The following PALM3 variants were observed in gnomAD, a reference collection of about 807,000 sequenced individuals.
PALM3 encodes the protein paralemmin 3, also known as paralemmin-3.
In PALM3, 20 loss-of-function variants were observed where a neutral mutation model predicts 27.9. The observed-to-expected ratio is 0.72, with a 90% CI of 0.50 to 1.04. PALM3 has a LOEUF of 1.04. Ranked by LOEUF, PALM3 falls within the 50% of genes least tolerant of loss-of-function variation. The pLI, the probability that PALM3 is intolerant of heterozygous loss-of-function variation, is 0.00. For missense variants in PALM3, 814 were observed against 869.4 expected (o/e 0.94, Z 0.80); for synonymous variants, 328 against 352.7 (o/e 0.93, Z 0.79).
At position 14,053,447 on chromosome 19, in the gene PALM3, G is replaced by A; in HGVS notation, c.*158C>T. The A allele has an allele frequency of 1.3e-6, 1 of 768,364 alleles. No homozygotes were observed. The highest frequency in any genetic ancestry group is 3.3e-5 in the South Asian group (1 of 30,326). 47.6% of individuals were successfully genotyped at this position (768,364 alleles called of 1,614,324 possible). ...CAGGGTTACAGGCAGTGGGCAAGGG[G>A]TCTGGAAGCCCAGGTTTAGGTGGAC... On this transcript the variant is annotated 3_prime_UTR_variant, in exon 7 of 7. Coordinates refer to ENST00000669674, the MANE Select transcript of PALM3 (RefSeq NM_001145028.2).
Position 14,054,459 on chromosome 19 carries a change from T to C in PALM3, c.1213A>G (p.Thr405Ala), listed in dbSNP as rs530253436. 13 of 1,551,602 alleles carry C rather than the reference T, an allele frequency of 8.4e-6. No individual in the cohort carries two copies. The South Asian group carries it at 1.4e-4, about 17-fold the overall frequency. Reference protein sequence around the residue: ...EGAKTGGGEETWEAEKRKAEE... With the variant: ...EGAKTGGGEEAWEAEKRKAEE... Reference sequence around the variant, plus strand: ...GCTTTTCTCTTCTCTGCCTCCCAGGTCTCCTCGCCTCCTCCCGTCTTGGCC... The same window carrying C: ...GCTTTTCTCTTCTCTGCCTCCCAGGCCTCCTCGCCTCCTCCCGTCTTGGCC... Residue 405 changes from threonine to alanine, a missense_variant, in exon 7 of 7, where the codon ACC becomes GCC. Transcript: ENST00000669674.
Position 14,054,611 on chromosome 19 carries a change from C to T in PALM3, c.1061G>A (p.Gly354Glu), listed in dbSNP as rs1387001566. 12 of 1,551,812 alleles carry T rather than the reference C, an allele frequency of 7.7e-6. No homozygotes were observed. The highest frequency in any genetic ancestry group is 2.0e-5 in the Admixed American group (1 of 50,982). The change falls in exon 7 of 7, where the codon GGA becomes GAA. Residue 354 changes from glycine (G) to glutamate (E), a missense_variant. Gly to Glu is a moderately conservative substitution (Grantham distance 98, BLOSUM62 -2). Coordinates refer to ENST00000669674, the MANE Select transcript of PALM3 (RefSeq NM_001145028.2). ...DGQGGSGGEE[G>E]SFIWVERVTL... ...CACTCTCTCCACCCAAATGAAGGAT[C>T]CCTCCTCTCCTCCAGAGCCTCCCTG...
intron 2 of PALM3, among the ~76,000 whole-genome samples, chr19:14,058,138 G>A (rs1288778893): frequency 6.6e-6 from 1 of 152,028 alleles, no homozygotes; most frequent in African/African-American, 2.4e-5. Context: ...GAGGGTGCTA[G>A]TGAGATGGGG....
intron 6 of PALM3, 35 bp from the exon 7 acceptor site, chr19:14,055,261 A>G: frequency 6.6e-7 from 1 of 1,519,270 alleles, no homozygotes; most frequent in Non-Finnish European, 8.9e-7. Flanking sequence ...AGAGGACAAA[A>G]GGGAAGACAG....
rs1022874307 is a variant in PALM3, at chr19:14,054,408, C to G, written c.1264G>C (p.Glu422Gln). The change falls in exon 7 of 7, where the codon GAG (glutamate) becomes CAG (glutamine). Residue 422 changes from glutamate (E) to glutamine (Q), a missense_variant. By Grantham distance (29) the Glu-to-Gln change is conservative. Coordinates refer to ENST00000669674, the MANE Select transcript of PALM3 (RefSeq NM_001145028.2). The stretch of plus-strand genomic sequence containing the variant: ...TCCCTCCCTGTCCCTGGCTTTTCCT[C>G]ACTTCCTATTCCCATGGATTCTTCC... ...KAEESMGIGSEEKPGTGRDEA... is the reference protein window; with the variant it reads ...KAEESMGIGSQEKPGTGRDEA... 6 of 1,551,992 alleles carry G rather than the reference C, an allele frequency of 3.9e-6. 1 individual carries two copies. The African/African-American group carries it at 8.2e-5, about 21-fold the overall frequency.
rs1490397974 is a variant in PALM3 at position 14,054,035 on chromosome 19, G to T, written c.1637C>A (p.Thr546Asn). The T allele has an allele frequency of 1.3e-6, 2 of 1,551,634 alleles. No individual in the cohort carries two copies. Among genetic ancestry groups the T allele is most frequent in the Non-Finnish European group, 8.7e-7 (1 of 1,146,956 alleles). ...ATTCAGATCTCCCTCCGTCCCTTGG[G>T]TCTTCTCTGTCTCCAATGATTCCTC... ...GGEESLETEK[T>N]QGTEGDLNLE... Residue 546 changes from threonine (T) to asparagine (N), a missense_variant, in exon 7 of 7, where the codon ACC (threonine) becomes AAC (asparagine). Thr to Asn is a moderately conservative substitution (Grantham distance 65). Transcript: ENST00000669674.
intron 2 of PALM3, among the ~76,000 whole-genome samples, chr19:14,057,974 A>G (rs4926178): frequency 0.16 from 24,446 of 151,984 alleles, 5,253 homozygotes; most frequent in African/African-American, 0.48. Context: ...TGGGCGTGGT[A>G]GCAGGCGCCT....
At position 14,061,007 on chromosome 19, in the gene PALM3, C is replaced by T. The variant is rs138539409; in HGVS notation, c.41+933G>A. On this transcript the variant is annotated intron_variant, in intron 1 of 6. Transcript: ENST00000669674. ...AACTCCTGACCTCAGGTGATCTGCC[C>T]GCCTCGGCCTCCCAAAGTGCTGGGA... is the stretch of plus-strand genomic sequence containing the variant. Among the ~76,000 whole-genome samples the T allele has an allele frequency of 8.9e-3, 1,360 of 152,274 alleles. 31 individuals are homozygous for T. The highest frequency in any genetic ancestry group is 0.031 in the African/African-American group (1,298 of 41,560).
At chr19:14,056,567 T>C in intron 4 of PALM3, 54 bp from the exon 5 acceptor site, 4 of 1,549,734 alleles carry the variant, frequency 2.6e-6, no homozygotes, top group Non-Finnish European at 2.6e-6. Context: ...CTTGGGCTCC[T>C]AGACTCAAGC....
rs1976258633 is a variant in PALM3, at chr19:14,054,496, C to T, written c.1176G>A (p.Leu392=). ...AGRERGDESP[L]GAEGAKTGGG... ...CTCCCGTCTTGGCCCCCTCGGCCCC[C>T]AGCGGGCTTTCATCTCCTCTCTCCC... is the stretch of plus-strand genomic sequence containing the variant. The change falls in exon 7 of 7, where the codon CTG becomes CTA. Residue 392 remains leucine, a synonymous_variant. Coordinates refer to ENST00000669674, the MANE Select transcript of PALM3 (RefSeq NM_001145028.2). 6.4e-7 allele frequency: 1 copy of T among 1,551,064 alleles called. No individual in the cohort carries two copies.
Position 14,053,543 on chromosome 19 carries a change from T to C in PALM3, c.*62A>G, listed in dbSNP as rs1599306118. The C allele has an allele frequency of 7.0e-7, 1 of 1,427,372 alleles. No individual in the cohort carries two copies. The highest frequency in any genetic ancestry group is 1.6e-5 in the South Asian group (1 of 62,354). 88.4% of individuals were successfully genotyped at this position (1,427,372 alleles called of 1,614,324 possible). On this transcript the variant is annotated 3_prime_UTR_variant, in exon 7 of 7. Coordinates refer to ENST00000669674, the MANE Select transcript of PALM3 (RefSeq NM_001145028.2). ...CCTGTCTGTGCCTGGGACCCTCTTC[T>C]GGGTGCCAAGAGGCCGAGGTAGCTG...
At chr19:14,055,307 C>A in intron 6 of PALM3, 73 bp downstream of exon 6, 1 of 1,409,004 alleles carries the variant, frequency 7.1e-7, no homozygotes. Flanking sequence ...CATCCACACT[C>A]CCCTTGAGTC....
At chr19:14,060,857 T>C (rs2145707872) in intron 1 of PALM3, among the ~76,000 whole-genome samples, 1 of 152,178 alleles carries the variant, frequency 6.6e-6, no homozygotes, top group African/African-American at 2.4e-5. Flanking sequence ...GCTTCCTGGG[T>C]TCAAGTGATT....
In PALM3 at chr19:14,054,501, G is replaced by C. The variant is rs1190477556; in HGVS notation, c.1171C>G (p.Pro391Ala). The part of the protein sequence containing the change: ...VAGRERGDES[P>A]LGAEGAKTGG... The stretch of plus-strand genomic sequence containing the variant: ...GTCTTGGCCCCCTCGGCCCCCAGCG[G>C]GCTTTCATCTCCTCTCTCCCTCCCT... Residue 391 changes from proline (P) to alanine (A), a missense_variant, in exon 7 of 7, where the codon CCG becomes GCG. Transcript: ENST00000669674. 1 of 1,550,946 alleles carries C rather than the reference G, an allele frequency of 6.4e-7. No homozygotes were observed. The highest frequency in any genetic ancestry group is 2.0e-5 in the Admixed American group (1 of 50,942).
intron 1 of PALM3, among the ~76,000 whole-genome samples, chr19:14,059,634 C>T (rs1047675981): frequency 6.6e-6 from 1 of 152,018 alleles, no homozygotes; most frequent in Non-Finnish European, 1.5e-5. Flanking sequence ...TCTCAAATGC[C>T]ACCAGGCCCC....
At chr19:14,059,010 C>T in intron 2 of PALM3, 105 bp downstream of exon 2, 6 of 1,071,372 alleles carry the variant, frequency 5.6e-6, no homozygotes, top group South Asian at 3.9e-5. Flanking sequence ...GAGCCCTGGG[C>T]GGGGCTGGAG....
chr19:14,054,626 G>C lies in PALM3; in HGVS notation c.1046C>G (p.Ser349Cys), dbSNP rs1342375079. Residue 349 changes from serine to cysteine, a missense_variant, in exon 7 of 7, where the codon TCT becomes TGT. Coordinates refer to ENST00000669674, the MANE Select transcript of PALM3 (RefSeq NM_001145028.2). ...GSPEGDGQGG[S>C]GGEEGSFIWV... ...AATGAAGGATCCCTCCTCTCCTCCA[G>C]AGCCTCCCTGCCCATCACCCTCAGG... 1 of 1,551,418 alleles carries C rather than the reference G, an allele frequency of 6.4e-7. No individual in the cohort carries two copies. Among genetic ancestry groups the C allele is most frequent in the Non-Finnish European group, 8.7e-7 (1 of 1,146,908 alleles).
chr19:14,059,005 C>T (rs1976369637), intron 2 of PALM3, 110 bp downstream of exon 2: 4 of 1,028,982 alleles, frequency 3.9e-6, no homozygotes, highest in Non-Finnish European at 4.0e-6. Context: ...GTGGGGAGCC[C>T]TGGGCGGGGC....
At chr19:14,058,832 G>A (rs1385030987) in intron 2 of PALM3, among the ~76,000 whole-genome samples, 1 of 151,970 alleles carries the variant, frequency 6.6e-6, no homozygotes, top group Non-Finnish European at 1.5e-5. Flanking sequence ...GATAAAAGGC[G>A]GTCCGAGAGA....
Sources: gnomAD v4.1 joint callset for allele counts (sites outside exome capture counted in the v4.1 genomes callset) on GRCh38, gnomAD v4.1.1 for gene constraint, MANE v1.5 for transcripts, NCBI Gene and HGNC (gene_info 2026-07-23, HGNC 2026-07-21) for gene names.